Variants in MLLT3 observed in about 807,000 individuals in gnomAD.
MLLT3 encodes MLLT3 super elongation complex subunit.
MLLT3 carries 4 observed loss-of-function variants against 53.2 expected under a neutral mutation model. The observed-to-expected ratio is 0.08, with a 90% CI of 0.04 to 0.17. The LOEUF (loss-of-function observed/expected upper bound fraction) is 0.17. Among genes scored for constraint, MLLT3 ranks in the 10% least tolerant of loss-of-function variants. The pLI is 1.00. For missense variants in MLLT3, 569 were observed against 684.0 expected, an observed-to-expected ratio of 0.83 and a Z score of 1.87; for synonymous variants, 283 against 230.6, an observed-to-expected ratio of 1.23 and a Z score of -2.06.
chr9:20,510,615 A>G (rs1369295515), intron 2 of MLLT3, among the ~76,000 whole-genome samples: 1 of 17,086 alleles, frequency 5.9e-5, no homozygotes, highest in Non-Finnish European at 1.5e-4. Context: ...CCATCTCAGA[A>G]AAAAAAAAAA....
rs1392982242 is a variant in MLLT3 at position 20,341,681 on chromosome 9, CTG to C, written c.*4760_*4761del. On this transcript the variant is annotated 3_prime_UTR_variant, in exon 11 of 11. Coordinates refer to ENST00000380338, the MANE Select transcript of MLLT3 (RefSeq NM_004529.4). Reference sequence around the variant, plus strand: ...TCCAATTCCTTGGTTATTTACCAAACTGAATGTATTTTATTCTCTTTGTTGTA... The same window carrying C: ...TCCAATTCCTTGGTTATTTACCAAACAATGTATTTTATTCTCTTTGTTGTA... 5.5e-5 allele frequency: 10 copies of C among 180,628 alleles called. No homozygotes were observed. The highest frequency in any genetic ancestry group is 1.9e-4 in the Admixed American group (3 of 15,898). The allele number at this position is 180,628 out of a possible 1,614,324, so 11.2% of individuals were successfully genotyped here.
chr9:20,485,645 G>A (rs965147801), intron 2 of MLLT3, among the ~76,000 whole-genome samples: 1 of 152,016 alleles, frequency 6.6e-6, no homozygotes. Context: ...ACATTTAAAA[G>A]GTACACAATA....
intron 5 of MLLT3, among the ~76,000 whole-genome samples, chr9:20,406,455 A>G (rs1822579954): frequency 1.3e-5 from 2 of 152,210 alleles, no homozygotes; most frequent in South Asian, 4.1e-4. Context: ...AAACCATTAA[A>G]CACATCTAGA....
intron 3 of MLLT3, among the ~76,000 whole-genome samples, chr9:20,450,038 A>G (rs1354616522): frequency 6.6e-6 from 1 of 152,130 alleles, no homozygotes; most frequent in East Asian, 1.9e-4. Context: ...GCAGCATCCA[A>G]TTCATGCATT....
At chr9:20,430,485 C>G (rs980587270) in intron 4 of MLLT3, among the ~76,000 whole-genome samples, 3 of 152,110 alleles carry the variant, frequency 2.0e-5, no homozygotes, top group African/African-American at 4.8e-5. Context: ...ATTTTAAAAG[C>G]TGATGCTTGA....
At chr9:20,546,409 G>A (rs966663843) in intron 2 of MLLT3, among the ~76,000 whole-genome samples, 1 of 152,234 alleles carries the variant, frequency 6.6e-6, no homozygotes, top group South Asian at 2.1e-4. Flanking sequence ...CACATGTCGT[G>A]GCACATGCCT....
chr9:20,607,041 C>A (rs1055299563), intron 2 of MLLT3, among the ~76,000 whole-genome samples: 1 of 152,064 alleles, frequency 6.6e-6, no homozygotes, highest in African/African-American at 2.4e-5. Context: ...TCCATATGCT[C>A]CAAATAAGGG....
chr9:20,486,298 G>A (rs1824810732), intron 2 of MLLT3, among the ~76,000 whole-genome samples: 1 of 151,756 alleles, frequency 6.6e-6, no homozygotes, highest in African/African-American at 2.4e-5. Context: ...CAGAACAAAG[G>A]GCCCCATTTA....
chr9:20,414,792 T>C (rs553045634), intron 4 of MLLT3, among the ~76,000 whole-genome samples: 27 of 152,306 alleles, frequency 1.8e-4, no homozygotes, highest in African/African-American at 5.5e-4. Context: ...TTGATAGATG[T>C]TGACAACCAA....
Position 20,620,563 on chromosome 9 carries a change from G to T in MLLT3, c.193+91C>A, listed in dbSNP as rs956989980. The T allele has an allele frequency of 6.4e-5, 75 of 1,177,534 alleles. No homozygotes were observed. The highest frequency in any genetic ancestry group is 4.4e-4 in the Middle Eastern group (2 of 4,592). 72.9% of individuals were successfully genotyped at this position (1,177,534 alleles called of 1,614,324 possible). ...AGGCTACGCCGGCGAGCGCGGCGCG[G>T]GGGGCGGGGAGCGGGACAGCGGGAC... On this transcript the variant is annotated intron_variant, in intron 2 of 10. Coordinates refer to ENST00000380338, the MANE Select transcript of MLLT3 (RefSeq NM_004529.4). The surrounding 1 kb of genome is among the most constrained non-coding windows in gnomAD (Gnocchi z 6.1).
At chr9:20,615,360 GAAAAAAAAAAAAA>G (rs10601830) in intron 2 of MLLT3, among the ~76,000 whole-genome samples, 48 of 48,760 alleles carry the variant, frequency 9.8e-4, no homozygotes, top group Non-Finnish European at 1.5e-3. Context: ...CAGACCATGT[GAAAAAAAAAAAAA>G]AAAAAAAAAA....
chr9:20,444,251 T>C (rs1823632411), intron 4 of MLLT3, among the ~76,000 whole-genome samples: 1 of 152,142 alleles, frequency 6.6e-6, no homozygotes, highest in African/African-American at 2.4e-5. Context: ...GAATCACTGA[T>C]CCAAAAGTGA....
chr9:20,432,983 A>G (rs1266426612), intron 4 of MLLT3, among the ~76,000 whole-genome samples: 2 of 152,090 alleles, frequency 1.3e-5, no homozygotes, highest in Non-Finnish European at 2.9e-5. Flanking sequence ...ACCTGGGGAT[A>G]CCACATCAAA....
At position 20,413,802 on chromosome 9, in the gene MLLT3, C is replaced by G; in HGVS notation, c.1044G>C (p.Lys348Asn). The change falls in exon 5 of 11, where the codon AAG becomes AAC. Residue 348 changes from lysine to asparagine, a missense_variant. Physicochemically the swap from Lys to Asn is moderately conservative, Grantham distance 94. Coordinates refer to ENST00000380338, the MANE Select transcript of MLLT3 (RefSeq NM_004529.4). ...CATCAAATGGCGGTAACGTTGATTT[C>G]TTCTTCTCTGATGTCTCACTTTCAA... ...VKIESETSEK[K>N]KSTLPPFDDI... The G allele has an allele frequency of 6.2e-7, 1 of 1,613,910 alleles. No homozygotes were observed. Among genetic ancestry groups the G allele is most frequent in the South Asian group, 1.1e-5 (1 of 91,044 alleles).
In MLLT3 at chr9:20,575,667, G is replaced by A. The variant is rs1025165862; in HGVS notation, c.193+44987C>T. On this transcript the variant is annotated intron_variant, in intron 2 of 10. Transcript: ENST00000380338. ...GTCAATGAGCAGTAATATTTTGAAA[G>A]AAATCTTTTTTTCTGAGCAGTAGGT... Among the ~76,000 whole-genome samples the A allele has an allele frequency of 2.6e-5, 4 of 152,258 alleles. No individual in the cohort carries two copies. In the South Asian group the frequency reaches 8.3e-4, roughly 32 times the overall value.
intron 2 of MLLT3, among the ~76,000 whole-genome samples, chr9:20,589,500 G>A (rs1820070001): frequency 6.7e-6 from 1 of 148,638 alleles, no homozygotes; most frequent in Non-Finnish European, 1.5e-5. Flanking sequence ...CGAGTTAGTG[G>A]GTGCAGCACA....
chr9:20,586,127 G>C (rs916684553), intron 2 of MLLT3, among the ~76,000 whole-genome samples: 2 of 152,070 alleles, frequency 1.3e-5, no homozygotes, highest in Admixed American at 1.3e-4. Context: ...CGACCAGCCG[G>C]GCAACATAGC....
intron 2 of MLLT3, among the ~76,000 whole-genome samples, chr9:20,599,052 T>A (rs1476013638): frequency 6.6e-6 from 1 of 152,178 alleles, no homozygotes; most frequent in Admixed American, 6.5e-5. Flanking sequence ...ACGCCTGTAA[T>A]CCCAGTACTT....
chr9:20,436,213 C>T lies in MLLT3; in HGVS notation c.420+11910G>A, dbSNP rs188124691. The stretch of plus-strand genomic sequence containing the variant: ...TTTTTAGACCACATATAAAGTCATG[C>T]ATAACCTTGCTGTTCAACTGAGTAA... On this transcript the variant is annotated intron_variant, in intron 4 of 10. Transcript: ENST00000380338. 1.5e-4 allele frequency among the ~76,000 whole-genome samples: 23 copies of T among 152,280 alleles called. 1 individual carries two copies. In the East Asian group the frequency reaches 3.7e-3, roughly 24 times the overall value.
Sources: gnomAD v4.1 joint callset for allele counts (sites outside exome capture counted in the v4.1 genomes callset) on GRCh38, gnomAD v4.1.1 for gene constraint, Gnocchi (gnomAD v3.1) non-coding constraint, MANE v1.5 for transcripts, NCBI Gene and HGNC (gene_info 2026-07-23, HGNC 2026-07-21) for gene names.